Variants in GFM1 observed in about 807,000 individuals in gnomAD.
GFM1 encodes the protein elongation factor G, mitochondrial.
In GFM1, 62 loss-of-function variants were observed where a neutral mutation model predicts 96.2. The observed-to-expected ratio is 0.64, with a 90% CI of 0.53 to 0.80. GFM1 has a LOEUF of 0.80. Among genes scored for constraint, GFM1 ranks in the 30% least tolerant of loss-of-function variants. The pLI, the probability that GFM1 is intolerant of heterozygous loss-of-function variation, is 0.00. For synonymous variants in GFM1, 282 were observed against 312.9 expected (o/e 0.90, Z 1.04); for missense variants, 852 against 916.6 (o/e 0.93, Z 0.91).
Position 158,691,355 on chromosome 3 carries a change from T to G in GFM1, c.2144T>G (p.Met715Arg). The G allele has an allele frequency of 6.2e-7, 1 of 1,613,760 alleles. No individual in the cohort carries two copies. The highest frequency in any genetic ancestry group is 8.5e-7 in the Non-Finnish European group (1 of 1,179,832). ...SCTEGKGEYT[M>R]EYSRYQPCLP... is the part of the protein sequence containing the mutation. ...CCCTAGGGAAAGGGAGAATACACAA[T>G]GGAGTATAGCAGGTATCAGCCATGT... is the stretch of plus-strand genomic sequence containing the variant. The change falls in exon 18 of 18, where the codon ATG becomes AGG. Residue 715 changes from methionine to arginine, a missense_variant. Coordinates refer to ENST00000486715, the MANE Select transcript of GFM1 (RefSeq NM_024996.7).
chr3:158,672,865 G>T (rs903645450), intron 13 of GFM1, among the ~76,000 whole-genome samples: 1 of 152,136 alleles, frequency 6.6e-6, no homozygotes, highest in Non-Finnish European at 1.5e-5. Flanking sequence ...CTTTATAGAA[G>T]TGCAGGGTGG....
chr3:158,679,094 A>T (rs1725149592), intron 13 of GFM1, among the ~76,000 whole-genome samples: 1 of 152,244 alleles, frequency 6.6e-6, no homozygotes, highest in Non-Finnish European at 1.5e-5. Flanking sequence ...TCAAGCTAAG[A>T]CCCTCTAGGC....
At chr3:158,654,414 T>A in intron 7 of GFM1, 133 bp from the exon 8 acceptor site, 1 of 619,322 alleles carries the variant, frequency 1.6e-6, no homozygotes, top group Non-Finnish European at 2.8e-6. Flanking sequence ...TCAGTGAAAT[T>A]TTACTTATGT....
At chr3:158,687,604 A>G (rs1473095190) in intron 15 of GFM1, among the ~76,000 whole-genome samples, 1 of 152,092 alleles carries the variant, frequency 6.6e-6, no homozygotes, top group African/African-American at 2.4e-5. Context: ...AGTAGCTGAG[A>G]TTACAGGTGC....
At chr3:158,688,921 G>C (rs1726084655) in intron 15 of GFM1, among the ~76,000 whole-genome samples, 1 of 152,164 alleles carries the variant, frequency 6.6e-6, no homozygotes, top group Admixed American at 6.5e-5. Context: ...ACTGTCTCTA[G>C]AAGAAGCACT....
At position 158,691,570 on chromosome 3, in the gene GFM1, T is replaced by C; in HGVS notation, c.*103T>C. The C allele has an allele frequency of 7.4e-7, 1 of 1,346,264 alleles. No individual in the cohort carries two copies. Among genetic ancestry groups the C allele is most frequent in the Non-Finnish European group, 1.1e-6 (1 of 945,146 alleles). The allele number at this position is 1,346,264 out of a possible 1,614,324, so 83.4% of individuals were successfully genotyped here. A position where few individuals can be genotyped will look rare whatever the true frequency, so the allele number is the denominator to read the frequency against. ...TTCAGGCTGCTGAAACAAGAAATTC[T>C]GAGCCCAGGAAGCGGGCTCTTCTTT... On this transcript the variant is annotated 3_prime_UTR_variant, in exon 18 of 18. Transcript: ENST00000486715.
chr3:158,645,598 G>C, intron 1 of GFM1, 31 bp from the exon 2 acceptor site: 1 of 1,574,140 alleles, frequency 6.4e-7, no homozygotes, highest in Non-Finnish European at 8.7e-7. Flanking sequence ...TATAAAAGGT[G>C]CATAGAATTG....
Position 158,653,444 on chromosome 3 carries a change from C to T in GFM1, c.975C>T (p.Asn325=). ...EYLPNPSEVQ[N]YAILNKEDDS... ...TCCCAAATCCATCTGAAGTCCAGAA[C>T]TATGCTATTCTCAATAAAGAGGAGT... The change falls in exon 7 of 18, where the codon AAC becomes AAT. Residue 325 remains asparagine, a synonymous_variant. Coordinates refer to ENST00000486715, the MANE Select transcript of GFM1 (RefSeq NM_024996.7). 6.2e-7 allele frequency: 1 copy of T among 1,612,894 alleles called. No homozygotes were observed. The highest frequency in any genetic ancestry group is 8.5e-7 in the Non-Finnish European group (1 of 1,179,010).
chr3:158,669,090 T>G (rs1271712215), intron 13 of GFM1: 1 of 1,613,244 alleles, frequency 6.2e-7, no homozygotes. Flanking sequence ...CCAGGCTAAA[T>G]GTAGAACGAG....
rs780497449 is a variant in GFM1 at position 158,681,978 on chromosome 3, T to C, written c.1602-17T>C. The C allele has an allele frequency of 1.9e-6, 3 of 1,609,022 alleles. No homozygotes were observed. Among genetic ancestry groups the C allele is most frequent in the Non-Finnish European group, 2.5e-6 (3 of 1,176,582 alleles). ...ATTACATAATGCTCCATTTTTTTTT[T>C]CCTAAATCACTTTCAGGTTTGACTT... On this transcript the variant is annotated splice_polypyrimidine_tract_variant and intron_variant, in intron 13 of 17. Transcript: ENST00000486715.
At chr3:158,666,257 C>A (rs752761439) in intron 12 of GFM1, 47 bp from the exon 13 acceptor site, 2 of 1,377,024 alleles carry the variant, frequency 1.5e-6, no homozygotes, top group South Asian at 2.4e-5. Flanking sequence ...GGTTTTCTTT[C>A]GGTTTATTTT....
At chr3:158,649,812 C>G in intron 5 of GFM1, 1 of 562,748 alleles carries the variant, frequency 1.8e-6, no homozygotes, top group South Asian at 2.4e-5. Flanking sequence ...AGTCCTGGCT[C>G]TACCTCCAGA....
intron 13 of GFM1, among the ~76,000 whole-genome samples, chr3:158,675,065 G>A (rs1233632206): frequency 1.3e-5 from 2 of 152,160 alleles, no homozygotes; most frequent in African/African-American, 4.8e-5. Context: ...AACGCAGGTG[G>A]GTCACGAGGT....
At position 158,650,566 on chromosome 3, in the gene GFM1, C is replaced by T. The variant is rs569422367; in HGVS notation, c.689+1409C>T. On this transcript the variant is annotated intron_variant, in intron 5 of 17. Transcript: ENST00000486715. ...TTCTGACATGTGAAAGGCTAAGAAG[C>T]AGGGAGCTTGCCAGGAAGGTTGAAA... is the stretch of plus-strand genomic sequence containing the variant. The T allele has an allele frequency of 1.8e-4, 28 of 153,908 alleles. No homozygotes were observed. The South Asian group carries it at 2.6e-3, about 14-fold the overall frequency. The allele number at this position is 153,908 out of a possible 1,614,324, so 9.5% of individuals were successfully genotyped here. A position where few individuals can be genotyped will look rare whatever the true frequency, so the allele number is the denominator to read the frequency against.
At chr3:158,683,608 G>A (rs1031130218) in intron 14 of GFM1, among the ~76,000 whole-genome samples, 4 of 152,202 alleles carry the variant, frequency 2.6e-5, no homozygotes, top group African/African-American at 4.8e-5. Context: ...AGCAGTTAGA[G>A]GTATGCAGTA....
chr3:158,669,956 A>C (rs1259120458), intron 13 of GFM1, among the ~76,000 whole-genome samples: 5 of 152,210 alleles, frequency 3.3e-5, no homozygotes, highest in Non-Finnish European at 7.3e-5. Context: ...TTACTTTTAA[A>C]GTTTTTCCAT....
At chr3:158,678,451 T>C (rs1320867455) in intron 13 of GFM1, among the ~76,000 whole-genome samples, 1 of 152,120 alleles carries the variant, frequency 6.6e-6, no homozygotes, top group African/African-American at 2.4e-5. Context: ...TACCAGGAGT[T>C]TGGAAGAAGT....
In GFM1 at chr3:158,691,383, A is replaced by G. The variant is rs762665539; in HGVS notation, c.2172A>G (p.Leu724=). The G allele has an allele frequency of 6.2e-7, 1 of 1,613,878 alleles. No individual in the cohort carries two copies. Among genetic ancestry groups the G allele is most frequent in the South Asian group, 1.1e-5 (1 of 91,084 alleles). Residue 724 remains leucine (L), a synonymous_variant, in exon 18 of 18, where the codon TTA becomes TTG. Coordinates refer to ENST00000486715, the MANE Select transcript of GFM1 (RefSeq NM_024996.7). ...AGTATAGCAGGTATCAGCCATGTTT[A>G]CCATCCACACAAGAAGACGTCATTA... The part of the protein sequence containing the change: ...TMEYSRYQPC[L]PSTQEDVINK...
At position 158,652,116 on chromosome 3, in the gene GFM1, A is replaced by C. The variant is rs1722343432; in HGVS notation, c.710A>C (p.Glu237Ala). 6.2e-7 allele frequency: 1 copy of C among 1,614,018 alleles called. No individual in the cohort carries two copies. Among genetic ancestry groups the C allele is most frequent in the Non-Finnish European group, 8.5e-7 (1 of 1,179,994 alleles). ...CTTAGTCAGATTGTTCGATATGGTGAGATTCCAGCTGAATTAAGGGCGGCG... is the reference window on the plus strand; with the variant it reads ...CTTAGTCAGATTGTTCGATATGGTGCGATTCCAGCTGAATTAAGGGCGGCG... Reference protein sequence around the residue: ...GDFGQIVRYGEIPAELRAAAT... With the variant: ...GDFGQIVRYGAIPAELRAAAT... Residue 237 changes from glutamate (E) to alanine (A), a missense_variant, in exon 6 of 18, where the codon GAG (glutamate) becomes GCG (alanine). By Grantham distance (107) the Glu-to-Ala change is moderately radical (BLOSUM62 -1). Coordinates refer to ENST00000486715, the MANE Select transcript of GFM1 (RefSeq NM_024996.7).
Sources: gnomAD v4.1 joint callset for allele counts (sites outside exome capture counted in the v4.1 genomes callset) on GRCh38, gnomAD v4.1.1 for gene constraint, MANE v1.5 for transcripts, NCBI Gene and HGNC (gene_info 2026-07-23, HGNC 2026-07-21) for gene names.